Variants in MAP7D1 observed in about 807,000 individuals in gnomAD.
MAP7D1 encodes the protein MAP7 domain containing 1.
In MAP7D1, 30 loss-of-function variants were observed where a neutral mutation model predicts 97.5. The ratio of observed to expected loss-of-function variants is 0.31; its 90% CI spans 0.23 to 0.42. MAP7D1 has a LOEUF of 0.42. MAP7D1 is among the 10% of genes least tolerant of loss of function. The pLI is 1.00. For synonymous variants in MAP7D1, 536 were observed against 477.1 expected, an observed-to-expected ratio of 1.12 and a Z score of -1.61; for missense variants, 1,184 against 1,179.5, an observed-to-expected ratio of 1.00 and a Z score of -0.06.
At chr1:36,158,423 C>T (rs745330917) in intron 1 of MAP7D1, among the ~76,000 whole-genome samples, 2 of 152,122 alleles carry the variant, frequency 1.3e-5, no homozygotes, top group Non-Finnish European at 2.9e-5. Flanking sequence ...ACCCTGCTCC[C>T]TCTGAGTTCC....
At position 36,178,710 on chromosome 1, in the gene MAP7D1, C is replaced by A; in HGVS notation, c.1912C>A (p.Arg638=). 1 of 1,533,928 alleles carries A rather than the reference C, an allele frequency of 6.5e-7. No homozygotes were observed. Among genetic ancestry groups the A allele is most frequent in the Non-Finnish European group, 8.8e-7 (1 of 1,141,022 alleles). ...DKRMREEQLA[R]EAEARAEREA... ...GCGAATGCGAGAGGAGCAGCTGGCA[C>A]GGGAGGCCGAGGCCCGGGCGGAGCG... Residue 638 remains arginine (R), a synonymous_variant, in exon 11 of 17, where the codon CGG becomes AGG. Transcript: ENST00000474796.
chr1:36,178,534 C>G lies in MAP7D1; in HGVS notation c.1824C>G (p.Arg608=). The G allele has an allele frequency of 6.2e-7, 1 of 1,602,476 alleles. No homozygotes were observed. The highest frequency in any genetic ancestry group is 8.5e-7 in the Non-Finnish European group (1 of 1,175,052). The part of the protein sequence containing the change: ...EATRLLAEKR[R]QAREQREREE... The stretch of plus-strand genomic sequence containing the variant: ...CTCGGCTCTTGGCTGAGAAGCGGCG[C>G]CAGGCCCGGGAGCAGCGGGAGCGCG... The change falls in exon 10 of 17, where the codon CGC becomes CGG. Residue 608 remains arginine (R), a synonymous_variant. Coordinates refer to ENST00000474796, the MANE Select transcript of MAP7D1 (RefSeq NM_001388490.1).
intron 1 of MAP7D1, among the ~76,000 whole-genome samples, chr1:36,169,070 G>T (rs1006649511): frequency 2.6e-5 from 4 of 151,738 alleles, no homozygotes; most frequent in Admixed American, 2.6e-4. Context: ...TGGCCAACAT[G>T]GTGAAACGCC....
intron 6 of MAP7D1, among the ~76,000 whole-genome samples, chr1:36,175,952 G>A (rs1335639210): frequency 2.0e-5 from 3 of 152,220 alleles, no homozygotes; most frequent in Admixed American, 6.5e-5. Context: ...CACCTGGGGA[G>A]CGTTGTAGGC....
At position 36,176,362 on chromosome 1, in the gene MAP7D1, G is replaced by C. The variant is rs770771511; in HGVS notation, c.1014G>C (p.Arg338=). The change falls in exon 7 of 17, where the codon CGG becomes CGC. Residue 338 remains arginine, a synonymous_variant. Transcript: ENST00000474796. The surrounding 1 kb of genome is among the most constrained non-coding windows in gnomAD (Gnocchi z 6.1). ...CDPGRGPTWG[R]AGASLARGPQ... ...CTGGGAGAGGCCCCACGTGGGGCCG[G>C]GCAGGGGCCAGCCTGGCGCGCGGGC... 915 of 1,525,850 alleles carry C rather than the reference G, an allele frequency of 6.0e-4. No individual in the cohort carries two copies. The highest frequency in any genetic ancestry group is 7.4e-4 in the Non-Finnish European group (844 of 1,140,606). The allele number at this position is 1,525,850 out of a possible 1,614,324, so 94.5% of individuals were successfully genotyped here.
In MAP7D1 at chr1:36,179,657, C is replaced by A; in HGVS notation, c.2228-9C>A. On this transcript the variant is annotated splice_polypyrimidine_tract_variant and intron_variant, in intron 14 of 16. Transcript: ENST00000474796. ...CCCCTGGCTGATGGCCCCTCTTTCC[C>A]TGTGACAGAGCCTGTGAAAGCTGTG... 6.5e-7 allele frequency: 1 copy of A among 1,536,646 alleles called. No homozygotes were observed. Among genetic ancestry groups the A allele is most frequent in the East Asian group, 2.4e-5 (1 of 41,756 alleles).
chr1:36,176,680 T>C lies in MAP7D1; in HGVS notation c.1234-17T>C. 1 of 1,606,236 alleles carries C rather than the reference T, an allele frequency of 6.2e-7. No individual in the cohort carries two copies. Among genetic ancestry groups the C allele is most frequent in the Non-Finnish European group, 8.5e-7 (1 of 1,177,030 alleles). ...GCTGACCTCTACTCTCCTCTTCCGT[T>C]CCTCCTTCCCTGCCAGGTGCAGAAA... On this transcript the variant is annotated splice_polypyrimidine_tract_variant and intron_variant, in intron 7 of 16. Transcript: ENST00000474796. This position sits in a 1 kb window ranked among gnomAD's most constrained non-coding sequence, Gnocchi z 6.1.
intron 1 of MAP7D1, among the ~76,000 whole-genome samples, chr1:36,158,868 C>T (rs1373882308): frequency 6.6e-6 from 1 of 152,056 alleles, no homozygotes; most frequent in Non-Finnish European, 1.5e-5. Context: ...CTCTGTGTGA[C>T]CTCAGTAAGT....
At chr1:36,170,375 A>G (rs941898134) in intron 1 of MAP7D1, among the ~76,000 whole-genome samples, 11 of 152,238 alleles carry the variant, frequency 7.2e-5, no homozygotes, top group Non-Finnish European at 1.3e-4. Flanking sequence ...GCCCATACTT[A>G]CGTCCTTCCT....
rs1309665272 is a variant in MAP7D1, at chr1:36,179,881, A to G, written c.2326A>G (p.Ser776Gly). 2 of 1,612,422 alleles carry G rather than the reference A, an allele frequency of 1.2e-6. No individual in the cohort carries two copies. The highest frequency in any genetic ancestry group is 1.7e-6 in the Non-Finnish European group (2 of 1,179,004). Residue 776 changes from serine to glycine, a missense_variant, in exon 16 of 17, where the codon AGC (serine) becomes GGC (glycine). By Grantham distance (56) the Ser-to-Gly change is moderately conservative. Transcript: ENST00000474796. ...IPQEPQWSLPSKELPASLVNG... is the reference protein window; with the variant it reads ...IPQEPQWSLPGKELPASLVNG... ...TGGCCTCTGCATCCACAGTCTCCCA[A>G]GCAAGGAGTTGCCAGCGTCCCTGGT...
intron 4 of MAP7D1, 36 bp from the exon 5 acceptor site, chr1:36,173,328 A>G: frequency 1.3e-6 from 2 of 1,510,178 alleles, no homozygotes; most frequent in South Asian, 1.2e-5. Flanking sequence ...GAATGTTCTG[A>G]GTCCACATCT....
At position 36,177,907 on chromosome 1, in the gene MAP7D1, A is replaced by G; in HGVS notation, c.1414A>G (p.Thr472Ala). The G allele has an allele frequency of 1.9e-6, 3 of 1,547,944 alleles. No homozygotes were observed. The highest frequency in any genetic ancestry group is 2.6e-6 in the Non-Finnish European group (3 of 1,147,130). Residue 472 changes from threonine (T) to alanine (A), a missense_variant, in exon 9 of 17, where the codon ACA (threonine) becomes GCA (alanine). By Grantham distance (58) the Thr-to-Ala change is moderately conservative. Coordinates refer to ENST00000474796, the MANE Select transcript of MAP7D1 (RefSeq NM_001388490.1). ...CAAGGCCAGGCCATCCTCTCCCTCCACATCCTGGCACAGGCCTGCCTCCCC... is the reference window on the plus strand; with the variant it reads ...CAAGGCCAGGCCATCCTCTCCCTCCGCATCCTGGCACAGGCCTGCCTCCCC... ...KSKARPSSPS[T>A]SWHRPASPCP...
At position 36,178,127 on chromosome 1, in the gene MAP7D1, C is replaced by G. The variant is rs1483034661; in HGVS notation, c.1634C>G (p.Pro545Arg). 1.3e-6 allele frequency: 2 copies of G among 1,590,334 alleles called. No individual in the cohort carries two copies. Among genetic ancestry groups the G allele is most frequent in the East Asian group, 4.6e-5 (2 of 43,844 alleles). ...NEKESAAPAS[P>R]APSPAPSPTP... The stretch of plus-strand genomic sequence containing the variant: ...AAGGAGTCAGCAGCCCCAGCCTCAC[C>G]GGCACCTTCGCCGGCGCCCTCGCCC... The change falls in exon 9 of 17, where the codon CCG becomes CGG. Residue 545 changes from proline to arginine, a missense_variant. By Grantham distance (103) the Pro-to-Arg change is moderately radical. Coordinates refer to ENST00000474796, the MANE Select transcript of MAP7D1 (RefSeq NM_001388490.1).
intron 14 of MAP7D1, 25 bp downstream of exon 14, chr1:36,179,582 C>T (rs1375839008): frequency 1.3e-6 from 2 of 1,557,114 alleles, no homozygotes; most frequent in Non-Finnish European, 1.7e-6. Flanking sequence ...CCTCTCGCCT[C>T]CCTTCCCTTT....
chr1:36,173,750 T>G (rs1644579761), intron 5 of MAP7D1, among the ~76,000 whole-genome samples: 1 of 152,200 alleles, frequency 6.6e-6, no homozygotes, highest in East Asian at 1.9e-4. Context: ...CAATTATTAT[T>G]AGTTGTTGAT....
chr1:36,159,832 G>A lies in MAP7D1; in HGVS notation c.46+3369G>A, dbSNP rs1644383635. Among the ~76,000 whole-genome samples the A allele has an allele frequency of 6.6e-6, 1 of 152,230 alleles. No individual in the cohort carries two copies. The highest frequency in any genetic ancestry group is 2.1e-4 in the South Asian group (1 of 4,834). On this transcript the variant is annotated intron_variant, in intron 1 of 16. Coordinates refer to ENST00000474796, the MANE Select transcript of MAP7D1 (RefSeq NM_001388490.1). The surrounding 1 kb of genome is among the most constrained non-coding windows in gnomAD (Gnocchi z 5.4). ...AGACGTTGGTGAGACTGGCGCAGTG[G>A]GCTGTGGCCATACATCCAGCAGCCA...
chr1:36,169,696 A>G (rs1420776035), intron 1 of MAP7D1, among the ~76,000 whole-genome samples: 1 of 152,216 alleles, frequency 6.6e-6, no homozygotes, highest in Non-Finnish European at 1.5e-5. Flanking sequence ...CCAGGGCTCA[A>G]CATACAGAAG....
At chr1:36,166,966 G>A (rs1265993865) in intron 1 of MAP7D1, among the ~76,000 whole-genome samples, 1 of 152,194 alleles carries the variant, frequency 6.6e-6, no homozygotes, top group Non-Finnish European at 1.5e-5. Context: ...AAGATCAGCA[G>A]CTCAGTTTGG....
chr1:36,172,704 C>G lies in MAP7D1; in HGVS notation c.624+77C>G, dbSNP rs573491442. ...TACTGGTGCAGTGTGTACACACATC[C>G]ATGTTCACGGCTCTGCCTTATCTGT... On this transcript the variant is annotated intron_variant, in intron 4 of 16. Transcript: ENST00000474796. 64 of 1,349,464 alleles carry G rather than the reference C, an allele frequency of 4.7e-5. 1 individual carries two copies. In the African/African-American group the frequency reaches 9.2e-4, roughly 19 times the overall value. 83.6% of individuals were successfully genotyped at this position (1,349,464 alleles called of 1,614,324 possible).
Sources: gnomAD v4.1 joint callset for allele counts (sites outside exome capture counted in the v4.1 genomes callset) on GRCh38, gnomAD v4.1.1 for gene constraint, Gnocchi (gnomAD v3.1) non-coding constraint, MANE v1.5 for transcripts, NCBI Gene and HGNC (gene_info 2026-07-23, HGNC 2026-07-21) for gene names.